Variants in NEDD9 observed in about 807,000 individuals in gnomAD.
NEDD9 encodes the protein neural precursor cell expressed, developmentally down-regulated 9.
Under a neutral mutation model 76.6 loss-of-function variants are expected in NEDD9, and 26 were observed. That is an observed-to-expected ratio of 0.34 (90% CI 0.25 to 0.47). The LOEUF (loss-of-function observed/expected upper bound fraction) is 0.47, where lower values mean the gene tolerates loss of function less well. Ranked by LOEUF, NEDD9 falls within the 20% of genes least tolerant of loss-of-function variation. The pLI is 1.00. For synonymous variants in NEDD9, 392 were observed against 414.2 expected (o/e 0.95, Z 0.65); for missense variants, 937 against 1,058.5 (o/e 0.89, Z 1.59).
chr6:11,282,004 G>A (rs1414970571), intron 3 of NEDD9, among the ~76,000 whole-genome samples: 1 of 152,134 alleles, frequency 6.6e-6, no homozygotes, highest in African/African-American at 2.4e-5. Context: ...CTCCTAAAGT[G>A]CTGGGATTAC....
chr6:11,273,243 C>T (rs1760349750), intron 3 of NEDD9, among the ~76,000 whole-genome samples: 1 of 152,188 alleles, frequency 6.6e-6, no homozygotes, highest in African/African-American at 2.4e-5. Context: ...AGGCAATTAA[C>T]CATCTACTTT....
intron 2 of NEDD9, among the ~76,000 whole-genome samples, chr6:11,323,851 A>G (rs1582029688): frequency 6.6e-6 from 1 of 152,354 alleles, no homozygotes; most frequent in African/African-American, 2.4e-5. Flanking sequence ...CATGTTCAAC[A>G]TAGCTAGTTT....
At chr6:11,346,191 A>G (rs967193296) in intron 1 of NEDD9, among the ~76,000 whole-genome samples, 4 of 152,240 alleles carry the variant, frequency 2.6e-5, no homozygotes, top group Admixed American at 2.0e-4. Flanking sequence ...TCTGGCACAC[A>G]GAAAGTCTTC....
Position 11,190,911 on chromosome 6 carries a change from G to A in NEDD9, c.958C>T (p.Pro320Ser). The change falls in exon 5 of 7, where the codon CCC becomes TCC. Residue 320 changes from proline to serine, a missense_variant. Pro to Ser is a moderately conservative substitution (Grantham distance 74). Transcript: ENST00000379446. The surrounding 1 kb of genome is among the most constrained non-coding windows in gnomAD (Gnocchi z 5.8). ...VGSQNDAYDV[P>S]RGVQFLEPPA... The stretch of plus-strand genomic sequence containing the variant: ...GGCTCAAGAAACTGAACGCCTCGGG[G>A]GACATCATATGCGTCGTTCTGAGAG... The A allele has an allele frequency of 6.2e-7, 1 of 1,614,080 alleles. No homozygotes were observed. Among genetic ancestry groups the A allele is most frequent in the Non-Finnish European group, 8.5e-7 (1 of 1,180,018 alleles).
At chr6:11,277,275 T>C (rs1405771069) in intron 3 of NEDD9, among the ~76,000 whole-genome samples, 1 of 152,226 alleles carries the variant, frequency 6.6e-6, no homozygotes, top group African/African-American at 2.4e-5. Flanking sequence ...AGTGAGACTA[T>C]GGTTTTGGAG....
At chr6:11,316,371 C>T (rs1761561497) in intron 2 of NEDD9, among the ~76,000 whole-genome samples, 1 of 152,154 alleles carries the variant, frequency 6.6e-6, no homozygotes, top group Non-Finnish European at 1.5e-5. Flanking sequence ...GAGAGGATTT[C>T]CTTCATCTCC....
At chr6:11,286,612 G>A (rs190038637) in intron 3 of NEDD9, among the ~76,000 whole-genome samples, 37 of 152,268 alleles carry the variant, frequency 2.4e-4, no homozygotes, top group East Asian at 7.7e-4. Flanking sequence ...TGGTCCATCC[G>A]TATGAAGAAT....
chr6:11,286,797 C>T (rs900646535), intron 3 of NEDD9, among the ~76,000 whole-genome samples: 4 of 152,090 alleles, frequency 2.6e-5, no homozygotes, highest in Admixed American at 1.3e-4. Flanking sequence ...AGCAGATTAA[C>T]GGTTGCCTAG....
intron 3 of NEDD9, among the ~76,000 whole-genome samples, chr6:11,267,093 G>A (rs1760214243): frequency 6.6e-6 from 1 of 152,210 alleles, no homozygotes; most frequent in African/African-American, 2.4e-5. Context: ...GCTGGCTTAT[G>A]ATTACAAACA....
chr6:11,329,474 C>T (rs1041130704), intron 2 of NEDD9, among the ~76,000 whole-genome samples: 2 of 152,182 alleles, frequency 1.3e-5, no homozygotes, highest in African/African-American at 4.8e-5. Context: ...AGGGTTTTGA[C>T]GCACAGGACA....
At chr6:11,334,338 G>A (rs572558013) in intron 2 of NEDD9, among the ~76,000 whole-genome samples, 3 of 152,304 alleles carry the variant, frequency 2.0e-5, no homozygotes, top group African/African-American at 7.2e-5. Flanking sequence ...TTTTTACAGT[G>A]AGTATGTATT....
chr6:11,208,359 C>A (rs1306899862), intron 2 of NEDD9, among the ~76,000 whole-genome samples: 1 of 152,200 alleles, frequency 6.6e-6, no homozygotes, highest in African/African-American at 2.4e-5. Context: ...TTACAGGACA[C>A]AGGCAGTGAC....
chr6:11,271,371 G>C (rs1760305021), intron 3 of NEDD9: 1 of 152,290 alleles, frequency 6.6e-6, no homozygotes, highest in Non-Finnish European at 1.5e-5. Context: ...CCCTGCTTCA[G>C]CTGCCTTTGG....
chr6:11,336,822 C>T (rs1762169925), intron 1 of NEDD9, among the ~76,000 whole-genome samples: 2 of 152,258 alleles, frequency 1.3e-5, no homozygotes, highest in South Asian at 4.1e-4. Flanking sequence ...TTAGCCTAGC[C>T]CTACATGGGG....
rs376854835 is a variant in NEDD9, at chr6:11,286,016, C to A, written c.12+19976G>T. Among the ~76,000 whole-genome samples the A allele has an allele frequency of 1.9e-3, 293 of 152,256 alleles. 2 individuals are homozygous for A. Among genetic ancestry groups the A allele is most frequent in the East Asian group, 7.1e-3 (37 of 5,186 alleles). On this transcript the variant is annotated intron_variant, in intron 3 of 3. Coordinates refer to the NEDD9 transcript ENST00000397378. ...TAGGACTTCATAAAAATTAAAAACA[C>A]CTGCTCTTCTAAAGACATTGTTATT...
rs570221912 is a variant in NEDD9, at chr6:11,365,886, G to A, written c.-214+16253C>T. On this transcript the variant is annotated intron_variant, in intron 1 of 3. Coordinates refer to the NEDD9 transcript ENST00000397378. ...TGCATCTGTAGACCCAACTACTCGG[G>A]GGGCTGAGGCTGGAGAATCACTTGA... 2.0e-5 allele frequency among the ~76,000 whole-genome samples: 3 copies of A among 152,240 alleles called. No homozygotes were observed. The East Asian group carries it at 5.8e-4, about 29-fold the overall frequency.
chr6:11,377,186 G>GTGGGGTTGGAGCTCCT (rs1160599477), intron 1 of NEDD9, among the ~76,000 whole-genome samples: 1 of 152,264 alleles, frequency 6.6e-6, no homozygotes, highest in Non-Finnish European at 1.5e-5. Flanking sequence ...CAGGGGAAAT[G>GTGGGGTTGGAGCTCCT]TGGGGTTGGA....
chr6:11,292,098 C>T (rs1760787261), intron 3 of NEDD9, among the ~76,000 whole-genome samples: 1 of 152,220 alleles, frequency 6.6e-6, no homozygotes, highest in Non-Finnish European at 1.5e-5. Context: ...TGGATTCCCA[C>T]AGATAAGGTT....
chr6:11,188,839 T>G (rs1015958939), intron 5 of NEDD9, among the ~76,000 whole-genome samples: 1 of 152,218 alleles, frequency 6.6e-6, no homozygotes, highest in Non-Finnish European at 1.5e-5. Context: ...TTGAGGGAAT[T>G]TGGCATAATA....
Sources: allele counts gnomAD v4.1 joint callset (sites outside exome capture counted in the v4.1 genomes callset), GRCh38; gene constraint gnomAD v4.1.1; non-coding constraint Gnocchi (gnomAD v3.1); transcripts MANE v1.5; gene names NCBI Gene and HGNC (gene_info 2026-07-23, HGNC 2026-07-21).